Variants in NCAPH observed in about 807,000 individuals in gnomAD.
The protein encoded by NCAPH is condensin complex subunit 2.
A neutral mutation model predicts 85.5 loss-of-function variants in NCAPH; 38 were observed. The observed-to-expected ratio is 0.44, with a 90% confidence interval of 0.34 to 0.58. The LOEUF (loss-of-function observed/expected upper bound fraction) is 0.58. NCAPH is among the 20% of genes least tolerant of loss of function. The pLI is 0.01. For synonymous variants in NCAPH, 301 were observed against 335.1 expected, an observed-to-expected ratio of 0.90 and a Z score of 1.11; for missense variants, 789 against 916.6, an observed-to-expected ratio of 0.86 and a Z score of 1.80.
chr2:96,349,772 G>T (rs2064412397), intron 6 of NCAPH, among the ~76,000 whole-genome samples: 1 of 152,142 alleles, frequency 6.6e-6, no homozygotes, highest in Admixed American at 6.5e-5. Flanking sequence ...CAGCTCTTTG[G>T]TATTTGCAGA....
At position 96,376,672 on chromosome 2, in the gene NCAPH, T is replaced by G. The variant is rs1418637212; in HGVS notation, c.*3321T>G. Among the ~76,000 whole-genome samples, 1 of 152,126 alleles carries G rather than the reference T, an allele frequency of 6.6e-6. No individual in the cohort carries two copies. Among genetic ancestry groups the G allele is most frequent in the Non-Finnish European group, 1.5e-5 (1 of 68,026 alleles). On this transcript the variant is annotated 3_prime_UTR_variant, in exon 18 of 18. Transcript: ENST00000240423. ...GATTTGCAGCATCTGCGGCAACGAG[T>G]TTGGTGTCCTGGAGCAAGGAAAGGA...
At chr2:96,345,364 G>T (rs1280221182) in intron 6 of NCAPH, among the ~76,000 whole-genome samples, 1 of 152,194 alleles carries the variant, frequency 6.6e-6, no homozygotes, top group Admixed American at 6.5e-5. Flanking sequence ...CCCAGACCCT[G>T]GAACGGGGGC....
In NCAPH at chr2:96,360,153, T is replaced by C. The variant is rs1157824226; in HGVS notation, c.1368T>C (p.Pro456=). 1 of 1,582,352 alleles carries C rather than the reference T, an allele frequency of 6.3e-7. No homozygotes were observed. Among genetic ancestry groups the C allele is most frequent in the Non-Finnish European group, 8.7e-7 (1 of 1,153,840 alleles). ...GTGTTCACTCTGCAGAAGATGCTCC[T>C]TCCCAATCAGAAAACAAAAAGAAGA... The part of the protein sequence containing the change: ...RFRPRRKQDA[P]SQSENKKKST... The change falls in exon 11 of 18, where the codon CCT becomes CCC. Residue 456 remains proline (P), a synonymous_variant. Coordinates refer to ENST00000240423, the MANE Select transcript of NCAPH (RefSeq NM_015341.5).
intron 9 of NCAPH, among the ~76,000 whole-genome samples, chr2:96,355,656 T>A (rs1274608511): frequency 6.6e-6 from 1 of 151,508 alleles, no homozygotes; most frequent in African/African-American, 2.4e-5. Context: ...TTTTTTTTTT[T>A]TTTGAGACAG....
Position 96,341,655 on chromosome 2 carries a change from A to C in NCAPH, c.33A>C (p.Thr11=). The change falls in exon 2 of 18, where the codon ACA becomes ACC. Residue 11 remains threonine (T), a synonymous_variant. Coordinates refer to ENST00000240423, the MANE Select transcript of NCAPH (RefSeq NM_015341.5). The stretch of plus-strand genomic sequence containing the variant: ...ATTTTGTTCCAGCACTGCCAGCCAC[A>C]ATGAATAACTCTTCTTCAGAGACGC... MGPPGPALPA[T]MNNSSSETRG... 6.2e-7 allele frequency: 1 copy of C among 1,611,052 alleles called. No homozygotes were observed. Among genetic ancestry groups the C allele is most frequent in the Non-Finnish European group, 8.5e-7 (1 of 1,177,732 alleles).
chr2:96,360,453 C>T, intron 11 of NCAPH, 135 bp from the exon 12 acceptor site: 1 of 1,090,450 alleles, frequency 9.2e-7, no homozygotes, highest in Non-Finnish European at 1.3e-6. Flanking sequence ...CTAGCAAAAT[C>T]ACTTTTTTAC....
intron 1 of NCAPH, 75 bp downstream of exon 1, chr2:96,335,923 G>A: frequency 7.3e-7 from 1 of 1,372,952 alleles, no homozygotes; most frequent in Non-Finnish European, 9.5e-7. Context: ...AGGGCTGGCG[G>A]GCTGGCCTGG....
At position 96,353,424 on chromosome 2, in the gene NCAPH, G is replaced by A. The variant is rs746714829; in HGVS notation, c.1002+27G>A. 2.5e-6 allele frequency: 4 copies of A among 1,591,586 alleles called. No individual in the cohort carries two copies. The African/African-American group carries it at 5.4e-5, about 21-fold the overall frequency. On this transcript the variant is annotated intron_variant, in intron 8 of 17. Transcript: ENST00000240423. The stretch of plus-strand genomic sequence containing the variant: ...TGTGGTCAAGTTTTAGTGGCTCATG[G>A]TTTCAGTTAGTTGGCTCAAGAGTGG...
At position 96,341,649 on chromosome 2, in the gene NCAPH, A is replaced by G; in HGVS notation, c.27A>G (p.Pro9=). 6.2e-7 allele frequency: 1 copy of G among 1,610,760 alleles called. No homozygotes were observed. The change falls in exon 2 of 18, where the codon CCA becomes CCG. Residue 9 remains proline (P), a synonymous_variant. Transcript: ENST00000240423. ...GCAAGAATTTTGTTCCAGCACTGCC[A>G]GCCACAATGAATAACTCTTCTTCAG... MGPPGPAL[P]ATMNNSSSET... is the part of the protein sequence containing the mutation.
intron 5 of NCAPH, 152 bp from the exon 6 acceptor site, chr2:96,343,953 C>A: frequency 1.1e-6 from 1 of 920,848 alleles, no homozygotes; most frequent in Non-Finnish European, 1.6e-6. Flanking sequence ...CCGTCTGCCT[C>A]AGCCTCCCAA....
At chr2:96,338,758 A>T (rs549844308) in intron 1 of NCAPH, among the ~76,000 whole-genome samples, 5 of 152,316 alleles carry the variant, frequency 3.3e-5, no homozygotes, top group African/African-American at 1.2e-4. Context: ...TCCAGAATGA[A>T]TGTAACCCTC....
intron 14 of NCAPH, 54 bp from the exon 15 acceptor site, chr2:96,367,203 T>C: frequency 7.8e-7 from 1 of 1,285,300 alleles, no homozygotes; most frequent in Non-Finnish European, 1.1e-6. Context: ...CAGTGAATTA[T>C]GGTAAAAGTT....
intron 6 of NCAPH, among the ~76,000 whole-genome samples, chr2:96,347,177 T>A (rs907436368): frequency 6.6e-6 from 1 of 151,994 alleles, no homozygotes; most frequent in Non-Finnish European, 1.5e-5. Flanking sequence ...AGGCCACTGG[T>A]TTGACGGCTG....
rs1405431787 is a variant in NCAPH, at chr2:96,374,309, G to A, written c.*958G>A. Among the ~76,000 whole-genome samples, 1 of 152,162 alleles carries A rather than the reference G, an allele frequency of 6.6e-6. No individual in the cohort carries two copies. Reference sequence around the variant, plus strand: ...AGGTCATACAGGCTCAGCAGTGGGTGGAGAGCAGTGCTCAGATTTGTCCAT... The same window carrying A: ...AGGTCATACAGGCTCAGCAGTGGGTAGAGAGCAGTGCTCAGATTTGTCCAT... On this transcript the variant is annotated 3_prime_UTR_variant, in exon 18 of 18. Transcript: ENST00000240423.
intron 15 of NCAPH, among the ~76,000 whole-genome samples, chr2:96,367,579 T>C (rs2064717738): frequency 6.6e-6 from 1 of 152,150 alleles, no homozygotes; most frequent in African/African-American, 2.4e-5. Flanking sequence ...GCCCAGGAGT[T>C]TGAGGTTACA....
At chr2:96,356,252 C>T (rs1273472453) in intron 9 of NCAPH, among the ~76,000 whole-genome samples, 1 of 152,204 alleles carries the variant, frequency 6.6e-6, no homozygotes, top group Non-Finnish European at 1.5e-5. Context: ...ATCCCCTCCC[C>T]TTGCCACATC....
At chr2:96,369,339 T>G (rs757310845) in intron 16 of NCAPH, 86 bp from the exon 17 acceptor site, 10 of 1,130,648 alleles carry the variant, frequency 8.8e-6, no homozygotes, top group Non-Finnish European at 1.1e-5. Context: ...GTTTAGTCAT[T>G]GCATGTGTGT....
At position 96,337,620 on chromosome 2, in the gene NCAPH, G is replaced by A. The variant is rs578255143; in HGVS notation, c.19+1772G>A. On this transcript the variant is annotated intron_variant, in intron 1 of 17. Transcript: ENST00000240423. ...ATTTTAGTAGGAACGGGGTTTCACC[G>A]TGTTAGTCAGGGTGGTCTCGATCTC... Among the ~76,000 whole-genome samples the A allele has an allele frequency of 8.5e-5, 13 of 152,142 alleles. No individual in the cohort carries two copies. In the South Asian group the frequency reaches 2.3e-3, roughly 27 times the overall value.
rs778510239 is a variant in NCAPH, at chr2:96,344,177, T to C, written c.668T>C (p.Ile223Thr). The C allele has an allele frequency of 1.2e-6, 2 of 1,613,664 alleles. No individual in the cohort carries two copies. The highest frequency in any genetic ancestry group is 1.7e-6 in the Non-Finnish European group (2 of 1,179,936). ...KPKKKHLHRT[I>T]EQNINNLNVS... is the part of the protein sequence containing the mutation. ...AAGAAGAAGCACTTACACAGAACTATTGAGCAGAACATAAACAACCTCAAT... is the reference window on the plus strand; with the variant it reads ...AAGAAGAAGCACTTACACAGAACTACTGAGCAGAACATAAACAACCTCAAT... Residue 223 changes from isoleucine (I) to threonine (T), a missense_variant, in exon 6 of 18, where the codon ATT becomes ACT. Ile to Thr is a moderately conservative substitution (Grantham distance 89). Transcript: ENST00000240423.
Sources: gnomAD v4.1 joint callset for allele counts (sites outside exome capture counted in the v4.1 genomes callset) on GRCh38, gnomAD v4.1.1 for gene constraint, MANE v1.5 for transcripts, NCBI Gene and HGNC (gene_info 2026-07-23, HGNC 2026-07-21) for gene names.